The following TFCP2 variants were observed in gnomAD, a reference collection of about 807,000 sequenced individuals.
TFCP2 encodes the protein alpha-globin transcription factor CP2.
TFCP2 carries 33 observed loss-of-function variants against 73.4 expected under a neutral mutation model. The observed-to-expected ratio is 0.45, with a 90% CI of 0.34 to 0.60. TFCP2 has a LOEUF of 0.60. Ranked by LOEUF, TFCP2 falls within the 20% of genes least tolerant of loss-of-function variation. The pLI, the probability that TFCP2 is intolerant of heterozygous loss-of-function variation, is 0.01. For missense variants in TFCP2, 352 were observed against 604.0 expected (o/e 0.58, Z 4.37); for synonymous variants, 193 against 211.6 (o/e 0.91, Z 0.76).
At chr12:51,149,767 T>C (rs1168072191) in intron 1 of TFCP2, among the ~76,000 whole-genome samples, 2 of 152,004 alleles carry the variant, frequency 1.3e-5, no homozygotes, top group Non-Finnish European at 2.9e-5. Context: ...GCTCAGCTAA[T>C]TTTTTGCATT....
At chr12:51,113,629 C>G (rs1346021264) in intron 4 of TFCP2, among the ~76,000 whole-genome samples, 1 of 152,164 alleles carries the variant, frequency 6.6e-6, no homozygotes, top group Non-Finnish European at 1.5e-5. Flanking sequence ...AGTTGGAGTT[C>G]TCATGCTTCA....
intron 1 of TFCP2, among the ~76,000 whole-genome samples, 189 bp from the exon 2 acceptor site, chr12:51,118,961 CAG>C (rs1456796464): frequency 6.6e-6 from 1 of 152,176 alleles, no homozygotes; most frequent in African/African-American, 2.4e-5. Context: ...TGGGTGATGA[CAG>C]ATATTCACTG....
chr12:51,120,178 A>T (rs1940625597), intron 1 of TFCP2, among the ~76,000 whole-genome samples: 1 of 8,582 alleles, frequency 1.2e-4, no homozygotes, highest in African/African-American at 4.0e-4. Context: ...ACTCTGTCTC[A>T]AAAAAAAAAA....
chr12:51,105,007 C>T (rs746029559), intron 8 of TFCP2, among the ~76,000 whole-genome samples: 8 of 151,320 alleles, frequency 5.3e-5, no homozygotes, highest in Non-Finnish European at 8.8e-5. Flanking sequence ...CCACCGCGCC[C>T]GGCAAAAAAA....
chr12:51,102,571 C>T lies in TFCP2; in HGVS notation c.1061-546G>A, dbSNP rs557517370. 2.0e-5 allele frequency among the ~76,000 whole-genome samples: 3 copies of T among 151,938 alleles called. No homozygotes were observed. In the East Asian group the frequency reaches 5.8e-4, roughly 30 times the overall value. ...TGAGACCCTGTCTCTATTAAAAATA[C>T]AAAAATTAGTCGGGTGTGGTGGTGG... On this transcript the variant is annotated intron_variant, in intron 10 of 14. Transcript: ENST00000257915.
chr12:51,111,002 A>G lies in TFCP2; in HGVS notation c.458-19T>C. 2 of 1,557,284 alleles carry G rather than the reference A, an allele frequency of 1.3e-6. No homozygotes were observed. The highest frequency in any genetic ancestry group is 1.8e-6 in the Non-Finnish European group (2 of 1,128,224). ...GGGATATCTGAGAAACAAAATGGTA[A>G]TCATTGAACAATTTTGAGGGCCACT... On this transcript the variant is annotated intron_variant, in intron 4 of 14. Coordinates refer to ENST00000257915, the MANE Select transcript of TFCP2 (RefSeq NM_005653.5).
chr12:51,151,070 CAT>C (rs1941413448), intron 1 of TFCP2, among the ~76,000 whole-genome samples: 1 of 152,152 alleles, frequency 6.6e-6, no homozygotes, highest in South Asian at 2.1e-4. Context: ...GATAAAAAGA[CAT>C]GTGAGCAGAA....
chr12:51,110,787 T>G, intron 5 of TFCP2, 90 bp downstream of exon 5: 9 of 1,002,662 alleles, frequency 9.0e-6, no homozygotes, highest in Non-Finnish European at 9.4e-6. Context: ...CTGTAAAGAT[T>G]TCAAAGTTAA....
At chr12:51,118,917 T>A (rs775041493) in intron 1 of TFCP2, 145 bp from the exon 2 acceptor site, 2 of 919,354 alleles carry the variant, frequency 2.2e-6, no homozygotes, top group Non-Finnish European at 3.3e-6. Flanking sequence ...CCATTTAGAT[T>A]ACCTGCTGTG....
In TFCP2 at chr12:51,121,615, G is replaced by A. The variant is rs114130472; in HGVS notation, c.123-2843C>T. Among the ~76,000 whole-genome samples, 1,287 of 151,046 alleles carry A rather than the reference G, an allele frequency of 8.5e-3. 15 individuals carry two copies. Among genetic ancestry groups the A allele is most frequent in the African/African-American group, 0.029 (1,200 of 41,222 alleles). On this transcript the variant is annotated intron_variant, in intron 1 of 14. Transcript: ENST00000257915. ...CAAGTAGCTGGGACTACATGCACAC[G>A]CCACCACACCCGACTAACTTTTGTA...
intron 1 of TFCP2, among the ~76,000 whole-genome samples, chr12:51,169,892 A>G (rs1359443222): frequency 1.6e-4 from 24 of 152,222 alleles, no homozygotes; most frequent in Non-Finnish European, 4.4e-5. Context: ...ATTTGTAAAG[A>G]ACTCTTAATT....
At chr12:51,168,784 C>A (rs1039385884) in intron 1 of TFCP2, among the ~76,000 whole-genome samples, 1 of 150,240 alleles carries the variant, frequency 6.7e-6, no homozygotes, top group Non-Finnish European at 1.5e-5. Context: ...ATGCCTATCC[C>A]CAACTGTATT....
intron 5 of TFCP2, among the ~76,000 whole-genome samples, 179 bp from the exon 6 acceptor site, chr12:51,109,452 G>A (rs1360215795): frequency 6.6e-6 from 1 of 152,156 alleles, no homozygotes. Flanking sequence ...ATAGAAAAAT[G>A]CTTTACAAAT....
At chr12:51,162,247 A>G (rs1276656873) in intron 1 of TFCP2, among the ~76,000 whole-genome samples, 5 of 152,128 alleles carry the variant, frequency 3.3e-5, no homozygotes, top group Non-Finnish European at 5.9e-5. Flanking sequence ...GGAGTTCAAG[A>G]CCAGCCTGGC....
At chr12:51,161,756 A>G (rs1299231387) in intron 1 of TFCP2, among the ~76,000 whole-genome samples, 38 of 49,690 alleles carry the variant, frequency 7.6e-4, no homozygotes, top group African/African-American at 2.7e-3. Context: ...GCAAGACTCC[A>G]TATCAAAAAA....
chr12:51,144,476 A>G (rs1355833148), intron 1 of TFCP2, among the ~76,000 whole-genome samples: 1 of 152,230 alleles, frequency 6.6e-6, no homozygotes, highest in Non-Finnish European at 1.5e-5. Context: ...AAACAGATAG[A>G]CAAATTAACC....
intron 1 of TFCP2, among the ~76,000 whole-genome samples, chr12:51,132,357 CTTTTTTTTTTTTTTTTTTT>C (rs869123355): frequency 6.5e-5 from 4 of 61,766 alleles, no homozygotes; most frequent in South Asian, 8.5e-4. Context: ...AGGGATTAGT[CTTTTTTTTTTTTTTTTTTT>C]TTTTTTTTTT....
chr12:51,167,551 C>T (rs1187968239), intron 1 of TFCP2, among the ~76,000 whole-genome samples: 1 of 152,080 alleles, frequency 6.6e-6, no homozygotes, highest in Admixed American at 6.6e-5. Flanking sequence ...CACCATCATG[C>T]CCAGCTAATT....
intron 4 of TFCP2, 128 bp from the exon 5 acceptor site, chr12:51,111,111 GTT>G (rs11308041): frequency 0.014 from 6,545 of 466,552 alleles, no homozygotes; most frequent in East Asian, 0.018. Context: ...AAATTTCTTT[GTT>G]TTTTTTTTTT....
Sources: gnomAD v4.1 joint callset for allele counts (sites outside exome capture counted in the v4.1 genomes callset) on GRCh38, gnomAD v4.1.1 for gene constraint, MANE v1.5 for transcripts, NCBI Gene and HGNC (gene_info 2026-07-23, HGNC 2026-07-21) for gene names.